The following VSIG4 variants were observed in gnomAD, a reference collection of about 807,000 sequenced individuals.
VSIG4 encodes V-set and immunoglobulin domain containing 4.
Under a neutral mutation model 23.4 loss-of-function variants are expected in VSIG4, and 34 were observed. That is an observed-to-expected ratio of 1.45 (90% CI 1.10 to 1.93). The LOEUF (loss-of-function observed/expected upper bound fraction) is 1.93. Among genes scored for constraint, VSIG4 ranks in the 30% most tolerant of loss-of-function variants. VSIG4 has a pLI of 0.00. For missense variants in VSIG4, 433 were observed against 310.8 expected, an observed-to-expected ratio of 1.39 and a Z score of -2.96; for synonymous variants, 169 against 120.3, an observed-to-expected ratio of 1.41 and a Z score of -2.65.
intron 1 of VSIG4, among the ~76,000 whole-genome samples, chrX:66,034,082 T>A (rs940273382): frequency 3.0e-4 from 34 of 112,123 alleles, no homozygotes; most frequent in Admixed American, 2.7e-3. Flanking sequence ...ACTGTCTTGC[T>A]ATGAAGGTGA....
At chrX:66,037,658 G>A (rs1156332070) in intron 1 of VSIG4, among the ~76,000 whole-genome samples, 1 of 82,438 alleles carries the variant, frequency 1.2e-5, no homozygotes, top group Non-Finnish European at 2.2e-5. Flanking sequence ...AATTATTACT[G>A]ATAATTACTT....
chrX:66,036,932 G>A (rs779631993), intron 1 of VSIG4, among the ~76,000 whole-genome samples: 22 of 14,430 alleles, frequency 1.5e-3, no homozygotes, highest in African/African-American at 7.9e-3. Flanking sequence ...TATATTATAT[G>A]ATATATTATA....
At chrX:66,028,950 T>G (rs943810276) in intron 3 of VSIG4, among the ~76,000 whole-genome samples, 1 of 111,546 alleles carries the variant, frequency 9.0e-6, no homozygotes, top group Non-Finnish European at 1.9e-5. Context: ...CAAAAAAAAC[T>G]AACCAAAATA....
At chrX:66,028,777 C>A in intron 3 of VSIG4, among the ~76,000 whole-genome samples, 1 of 109,413 alleles carries the variant, frequency 9.1e-6, no homozygotes, top group Non-Finnish European at 1.9e-5. Context: ...CAACAAACTT[C>A]ATTTTTGAAT....
At chrX:66,027,426 A>C in intron 5 of VSIG4, 23 bp downstream of exon 5, 1 of 1,176,189 alleles carries the variant, frequency 8.5e-7, no homozygotes, top group Non-Finnish European at 1.2e-6. Flanking sequence ...AAGAAAAGAT[A>C]GAAATCCTGA....
At chrX:66,031,971 C>G (rs1334229889) in intron 3 of VSIG4, among the ~76,000 whole-genome samples, 1 of 111,776 alleles carries the variant, frequency 8.9e-6, no homozygotes, top group East Asian at 2.8e-4. Flanking sequence ...CAAAAAACAA[C>G]AGCTTTCAAA....
intron 2 of VSIG4, 36 bp from the exon 3 acceptor site, chrX:66,032,785 G>A: frequency 8.4e-7 from 1 of 1,188,951 alleles, no homozygotes; most frequent in Non-Finnish European, 1.1e-6. Context: ...ACTCTGGGCA[G>A]TCATAAGGAT....
At chrX:66,037,002 CAT>C (rs1164375369) in intron 1 of VSIG4, among the ~76,000 whole-genome samples, 2 of 12,842 alleles carry the variant, frequency 1.6e-4, no homozygotes, top group Admixed American at 1.6e-3. Context: ...TATAATATAT[CAT>C]ATAATATATC....
At chrX:66,032,801 AC>A (rs1410148823) in intron 2 of VSIG4, 52 bp from the exon 3 acceptor site, 1 of 1,143,860 alleles carries the variant, frequency 8.7e-7, no homozygotes, top group Non-Finnish European at 1.2e-6. Context: ...AGGATATGGG[AC>A]CAAAAGGCTG....
At chrX:66,033,232 TCTGGGACA>T (rs2085486317) in intron 2 of VSIG4, among the ~76,000 whole-genome samples, 1 of 110,924 alleles carries the variant, frequency 9.0e-6, no homozygotes, top group African/African-American at 3.3e-5. Flanking sequence ...TACTGGCATT[TCTGGGACA>T]CTCGAAGGGA....
In VSIG4 at chrX:66,028,096, G is replaced by C. The variant is rs1381006340; in HGVS notation, c.711C>G (p.Leu237=). The C allele has an allele frequency of 1.7e-6, 2 of 1,210,413 alleles. No individual in the cohort carries two copies. The highest frequency in any genetic ancestry group is 2.2e-6 in the Non-Finnish European group (2 of 894,673). The part of the protein sequence containing the change: ...KFVVKDSSKL[L]KTKTEAPTTM... ...TTGTAGGTGCCTCAGTCTTGGTCTT[G>C]AGTAGCTTTGAGGAGTCTGCAAGGA... Residue 237 remains leucine (L), a synonymous_variant, in exon 4 of 8, where the codon CTC becomes CTG. Transcript: ENST00000374737.
chrX:66,022,970 G>T, intron 6 of VSIG4, 108 bp from the exon 7 acceptor site: 1 of 871,674 alleles, frequency 1.1e-6, no homozygotes, highest in South Asian at 2.3e-5. Context: ...ACAGAGGAGG[G>T]GATTTTAATA....
chrX:66,022,959 T>G, intron 6 of VSIG4, 97 bp from the exon 7 acceptor site: 14 of 918,743 alleles, frequency 1.5e-5, no homozygotes, highest in Non-Finnish European at 2.2e-5. Flanking sequence ...GAGGGAAGGG[T>G]ACAGAGGAGG....
At chrX:66,025,509 CA>C (rs2085380263) in intron 5 of VSIG4, among the ~76,000 whole-genome samples, 3 of 112,304 alleles carry the variant, frequency 2.7e-5, no homozygotes, top group Non-Finnish European at 5.6e-5. Flanking sequence ...TACTTCTAGC[CA>C]CAAAGATTCT....
At chrX:66,039,899 T>C (rs754145287) in intron 1 of VSIG4, 45 bp downstream of exon 1, 2 of 1,202,360 alleles carry the variant, frequency 1.7e-6, no homozygotes, top group African/African-American at 3.5e-5. Flanking sequence ...CTCTAGCCTT[T>C]TGCCTAAGCC....
At chrX:66,023,790 GA>G (rs754791958) in intron 6 of VSIG4, among the ~76,000 whole-genome samples, 1 of 112,591 alleles carries the variant, frequency 8.9e-6, no homozygotes, top group East Asian at 2.8e-4. Context: ...ACATCACAGA[GA>G]GCCTTGAATA....
At chrX:66,023,487 G>A (rs2085356163) in intron 6 of VSIG4, among the ~76,000 whole-genome samples, 1 of 112,276 alleles carries the variant, frequency 8.9e-6, no homozygotes, top group African/African-American at 3.2e-5. Flanking sequence ...GGAAATGCAA[G>A]CATTAAATGA....
chrX:66,032,684 T>C lies in VSIG4; in HGVS notation c.478A>G (p.Arg160Gly). ...CGAGCCTGGCATTGAAGGCTAATCC[T>C]CATTCCCTGGGGCACCGTGAAGCCA... ...GYGFTVPQGM[R>G]ISLQCQARGS... The change falls in exon 3 of 8, where the codon AGG becomes GGG. Residue 160 changes from arginine (R) to glycine (G), a missense_variant. Coordinates refer to ENST00000374737, the MANE Select transcript of VSIG4 (RefSeq NM_007268.3). The C allele has an allele frequency of 8.3e-7, 1 of 1,211,570 alleles. No individual in the cohort carries two copies. Among genetic ancestry groups the C allele is most frequent in the South Asian group, 1.8e-5 (1 of 56,984 alleles).
At chrX:66,033,855 A>G in intron 1 of VSIG4, 25 bp from the exon 2 acceptor site, 6 of 1,142,904 alleles carry the variant, frequency 5.2e-6, no homozygotes, top group Non-Finnish European at 7.1e-6. Flanking sequence ...CAGAGGAAAG[A>G]AGCAAACGTA....
Sources: allele counts gnomAD v4.1 joint callset (sites outside exome capture counted in the v4.1 genomes callset), GRCh38; gene constraint gnomAD v4.1.1; transcripts MANE v1.5; gene names NCBI Gene and HGNC (gene_info 2026-07-23, HGNC 2026-07-21).